Variants in DIAPH3 observed in about 807,000 individuals in gnomAD.
The protein encoded by DIAPH3 is protein diaphanous homolog 3.
In DIAPH3, 117 loss-of-function variants were observed where a neutral mutation model predicts 144.3. The observed-to-expected ratio is 0.81, with a 90% CI of 0.70 to 0.95. The LOEUF (loss-of-function observed/expected upper bound fraction) is 0.95. Among genes scored for constraint, DIAPH3 ranks in the 40% least tolerant of loss-of-function variants. The probability of loss-of-function intolerance (pLI) is 0.00; values close to 1 mark genes in which losing one functional copy is unlikely to be tolerated. For synonymous variants in DIAPH3, 519 were observed against 488.9 expected (o/e 1.06, Z -0.81); for missense variants, 1,421 against 1,412.7 (o/e 1.01, Z -0.09).
intron 7 of DIAPH3, among the ~76,000 whole-genome samples, chr13:60,014,156 C>G (rs749000240): frequency 2.0e-5 from 3 of 152,076 alleles, no homozygotes; most frequent in Non-Finnish European, 4.4e-5. Context: ...CCAAATGTCC[C>G]TTTGGTTTAA....
intron 17 of DIAPH3, among the ~76,000 whole-genome samples, chr13:59,939,482 A>G (rs571641087): frequency 6.6e-6 from 1 of 152,298 alleles, no homozygotes; most frequent in African/African-American, 2.4e-5. Flanking sequence ...AGACTTTTAC[A>G]TGAAAGGAAG....
chr13:59,937,434 T>A (rs967679591), intron 17 of DIAPH3, among the ~76,000 whole-genome samples: 1 of 152,176 alleles, frequency 6.6e-6, no homozygotes, highest in Non-Finnish European at 1.5e-5. Flanking sequence ...TGGTGTCGAA[T>A]GGAAAGAGTT....
intron 12 of DIAPH3, 33 bp from the exon 13 acceptor site, chr13:59,983,920 G>C: frequency 7.3e-7 from 1 of 1,378,168 alleles, no homozygotes; most frequent in Non-Finnish European, 1.0e-6. Flanking sequence ...ATGTACAATT[G>C]ATAATTAGTG....
Position 59,810,938 on chromosome 13 carries a change from A to T in DIAPH3, c.3028-15T>A. ...TTTATTGCTTGCTAAAAAAATTTTG[A>T]AAAATGATCAATTTTAACCAGTGAT... On this transcript the variant is annotated splice_polypyrimidine_tract_variant and intron_variant, in intron 24 of 27. Transcript: ENST00000400324. The T allele has an allele frequency of 6.3e-7, 1 of 1,591,384 alleles. No homozygotes were observed.
chr13:59,824,648 C>A (rs1222964128), intron 24 of DIAPH3, among the ~76,000 whole-genome samples: 1 of 152,130 alleles, frequency 6.6e-6, no homozygotes, highest in Admixed American at 6.6e-5. Flanking sequence ...GAGAAAGAGA[C>A]TGGATTTTAT....
intron 9 of DIAPH3, among the ~76,000 whole-genome samples, chr13:59,992,939 A>G (rs145228244): frequency 5.3e-5 from 8 of 151,966 alleles, no homozygotes; most frequent in Non-Finnish European, 1.0e-4. Flanking sequence ...AACATATCCA[A>G]TATACCTATT....
chr13:59,862,078 A>G (rs1042998079), intron 21 of DIAPH3, among the ~76,000 whole-genome samples: 3 of 152,186 alleles, frequency 2.0e-5, no homozygotes, highest in Non-Finnish European at 2.9e-5. Context: ...AGGAAGTTGT[A>G]TGGGCTTAGG....
At chr13:59,972,895 C>T (rs977277589) in intron 15 of DIAPH3, among the ~76,000 whole-genome samples, 1 of 152,100 alleles carries the variant, frequency 6.6e-6, no homozygotes, top group Non-Finnish European at 1.5e-5. Context: ...GATAACAGAA[C>T]ATATTTTATT....
At chr13:59,778,064 G>A (rs1158111360) in intron 25 of DIAPH3, among the ~76,000 whole-genome samples, 1 of 152,198 alleles carries the variant, frequency 6.6e-6, no homozygotes, top group African/African-American at 2.4e-5. Flanking sequence ...AATAAATGCT[G>A]ACAGTTTTAG....
intron 9 of DIAPH3, 131 bp from the exon 10 acceptor site, chr13:59,992,714 T>C (rs986063487): frequency 3.0e-5 from 22 of 735,026 alleles, no homozygotes; most frequent in Non-Finnish European, 5.1e-5. Context: ...AAGCAAAATA[T>C]TTCAGTCAGT....
chr13:59,672,293 G>A (rs1048020637), intron 27 of DIAPH3, among the ~76,000 whole-genome samples: 1 of 152,120 alleles, frequency 6.6e-6, no homozygotes, highest in Non-Finnish European at 1.5e-5. Context: ...TGGCTTCTTA[G>A]GAGTGCCAAC....
chr13:60,126,060 C>T (rs2058982127), intron 2 of DIAPH3, among the ~76,000 whole-genome samples: 1 of 152,032 alleles, frequency 6.6e-6, no homozygotes, highest in Admixed American at 6.6e-5. Context: ...AATTATTTCT[C>T]AATTGGAGGA....
rs186325221 is a variant in DIAPH3 at position 59,822,835 on chromosome 13, A to G, written c.3027+10272T>C. Among the ~76,000 whole-genome samples, 79 of 152,162 alleles carry G rather than the reference A, an allele frequency of 5.2e-4. 1 individual carries two copies. The highest frequency in any genetic ancestry group is 7.1e-4 in the Non-Finnish European group (48 of 68,018). On this transcript the variant is annotated intron_variant, in intron 24 of 27. Coordinates refer to ENST00000400324, the MANE Select transcript of DIAPH3 (RefSeq NM_001042517.2). ...TATCTCTCTGTTTCCTCTTGTCTCT[A>G]TGTGAGGGTGTATGAGAATAATCTA...
At chr13:59,825,034 T>C (rs1403503760) in intron 24 of DIAPH3, among the ~76,000 whole-genome samples, 2 of 71,226 alleles carry the variant, frequency 2.8e-5, no homozygotes, top group African/African-American at 4.2e-5. Flanking sequence ...ATGACACATT[T>C]ATTTTATTTA....
intron 2 of DIAPH3, among the ~76,000 whole-genome samples, chr13:60,123,818 A>G (rs1479455180): frequency 2.8e-5 from 4 of 141,280 alleles, no homozygotes; most frequent in Non-Finnish European, 6.5e-5. Flanking sequence ...ATGAAAATAG[A>G]AAGTAAATTA....
chr13:59,979,695 C>A (rs2140672102), intron 14 of DIAPH3, among the ~76,000 whole-genome samples: 1 of 151,744 alleles, frequency 6.6e-6, no homozygotes, highest in East Asian at 1.9e-4. Context: ...TATGTTTTAT[C>A]TTCAAAGCTA....
chr13:59,844,192 A>G (rs192562796), intron 22 of DIAPH3, among the ~76,000 whole-genome samples: 2 of 152,174 alleles, frequency 1.3e-5, no homozygotes, highest in East Asian at 3.9e-4. Flanking sequence ...TGTATCTTCA[A>G]ACATAATTTT....
At chr13:60,006,451 A>G (rs2140923915) in intron 9 of DIAPH3, among the ~76,000 whole-genome samples, 1 of 152,304 alleles carries the variant, frequency 6.6e-6, no homozygotes, top group Non-Finnish European at 1.5e-5. Context: ...TAGTTGCAAA[A>G]AAAAATCAGA....
At chr13:59,775,785 A>G (rs981856209) in intron 25 of DIAPH3, among the ~76,000 whole-genome samples, 2 of 152,224 alleles carry the variant, frequency 1.3e-5, no homozygotes, top group Non-Finnish European at 2.9e-5. Flanking sequence ...TCTGAAATCA[A>G]AAGGACTGCA....
Sources: allele counts gnomAD v4.1 joint callset (sites outside exome capture counted in the v4.1 genomes callset), GRCh38; gene constraint gnomAD v4.1.1; transcripts MANE v1.5; gene names NCBI Gene and HGNC (gene_info 2026-07-23, HGNC 2026-07-21).